Variants in UNC13C observed in about 807,000 individuals in gnomAD.
UNC13C encodes the protein unc-13 homolog C, also known as protein unc-13 homolog C.
In UNC13C, 174 loss-of-function variants were observed where a neutral mutation model predicts 245.4. The observed-to-expected ratio is 0.71, with a 90% CI of 0.63 to 0.80. UNC13C has a LOEUF of 0.80. UNC13C is among the 30% of genes least tolerant of loss of function. UNC13C has a pLI of 0.00. For synonymous variants in UNC13C, 992 were observed against 895.1 expected (o/e 1.11, Z -1.93); for missense variants, 2,829 against 2,602.9 (o/e 1.09, Z -1.89).
chr15:54,412,223 A>G (rs2040430839), intron 18 of UNC13C, among the ~76,000 whole-genome samples: 1 of 152,048 alleles, frequency 6.6e-6, no homozygotes, highest in Non-Finnish European at 1.5e-5. Flanking sequence ...AAACAAAAAA[A>G]GTGCCCGAGA....
chr15:54,518,974 A>G (rs981704827), intron 24 of UNC13C, among the ~76,000 whole-genome samples: 2 of 151,996 alleles, frequency 1.3e-5, no homozygotes, highest in African/African-American at 4.8e-5. Flanking sequence ...TAAAACGGGG[A>G]TTCCTGTTTT....
chr15:53,917,654 C>T, the UNC13C span, among the ~76,000 whole-genome samples: 2 of 152,246 alleles, frequency 1.3e-5, no homozygotes, highest in Admixed American at 6.5e-5. Context: ...TCTATCTCCT[C>T]CTCTCTTTCC....
intron 2 of UNC13C, among the ~76,000 whole-genome samples, chr15:54,083,386 C>G (rs200419804): frequency 1.3e-5 from 2 of 152,304 alleles, no homozygotes; most frequent in East Asian, 3.9e-4. Context: ...TATGGCTTGT[C>G]TGGCCTCCGT....
intron 30 of UNC13C, among the ~76,000 whole-genome samples, chr15:54,607,085 A>G (rs577227759): frequency 7.9e-5 from 12 of 152,358 alleles, no homozygotes; most frequent in African/African-American, 2.9e-4. Context: ...TTAGTTTTTT[A>G]AAACTTTTTA....
intron 27 of UNC13C, among the ~76,000 whole-genome samples, chr15:54,548,894 A>G (rs1896611083): frequency 1.3e-5 from 2 of 152,188 alleles, no homozygotes; most frequent in South Asian, 4.1e-4. Context: ...AAATATGAGC[A>G]AAATTAACCA....
chr15:54,055,081 T>C (rs1312297601), intron 2 of UNC13C, among the ~76,000 whole-genome samples: 1 of 152,310 alleles, frequency 6.6e-6, no homozygotes, highest in South Asian at 2.1e-4. Context: ...ATCATGCTGC[T>C]TGTTATATTA....
intron 14 of UNC13C, among the ~76,000 whole-genome samples, chr15:54,323,846 G>A (rs2140983162): frequency 6.6e-6 from 1 of 152,124 alleles, no homozygotes; most frequent in African/African-American, 2.4e-5. Context: ...TGTGTATATT[G>A]TGAAGAAAAA....
chr15:54,237,574 T>C (rs1246190959), intron 6 of UNC13C, 45 bp from the exon 7 acceptor site: 2 of 1,475,250 alleles, frequency 1.4e-6, no homozygotes, highest in East Asian at 2.3e-5. Context: ...TATATGCACG[T>C]CAACCTCCCT....
intron 19 of UNC13C, among the ~76,000 whole-genome samples, chr15:54,460,838 C>T (rs537329431): frequency 7.9e-5 from 12 of 152,142 alleles, no homozygotes; most frequent in Non-Finnish European, 1.5e-4. Flanking sequence ...GGGAGCTGCA[C>T]GTTAGTCCTG....
chr15:54,612,487 GTTTTT>G (rs1019251274), intron 30 of UNC13C, among the ~76,000 whole-genome samples: 1 of 151,830 alleles, frequency 6.6e-6, no homozygotes, highest in Non-Finnish European at 1.5e-5. Context: ...AATGTTTTTT[GTTTTT>G]AAGTTTGTGA....
the UNC13C span, among the ~76,000 whole-genome samples, chr15:53,919,336 G>C: frequency 3.9e-5 from 6 of 152,196 alleles, no homozygotes; most frequent in Non-Finnish European, 8.8e-5. Flanking sequence ...ACGAACATCA[G>C]TTATTGGCAT....
intron 4 of UNC13C, among the ~76,000 whole-genome samples, chr15:54,177,933 C>T (rs2033670309): frequency 6.6e-6 from 1 of 151,834 alleles, no homozygotes; most frequent in African/African-American, 2.4e-5. Context: ...CTTTCTATTG[C>T]CTTTTCCTTT....
intron 18 of UNC13C, among the ~76,000 whole-genome samples, chr15:54,409,700 G>C (rs1463394260): frequency 6.6e-6 from 1 of 152,138 alleles, no homozygotes; most frequent in Non-Finnish European, 1.5e-5. Context: ...TGCTGCAAAG[G>C]ACATGATTTT....
the UNC13C span, among the ~76,000 whole-genome samples, chr15:53,958,136 G>C: frequency 6.6e-6 from 1 of 152,148 alleles, no homozygotes; most frequent in Non-Finnish European, 1.5e-5. Flanking sequence ...GAGAGCTGCA[G>C]ATAATTTTAG....
At chr15:53,945,266 C>CT in the UNC13C span, among the ~76,000 whole-genome samples, 164 of 152,236 alleles carry the variant, frequency 1.1e-3, 1 homozygote, top group East Asian at 0.025. Flanking sequence ...CATTTGTCAA[C>CT]TTTTGCTTTT....
the UNC13C span, among the ~76,000 whole-genome samples, chr15:53,844,128 A>G: frequency 2.6e-5 from 4 of 152,220 alleles, no homozygotes; most frequent in African/African-American, 9.6e-5. Flanking sequence ...TTCCTGGAGC[A>G]GGAGAGACAC....
intron 29 of UNC13C, among the ~76,000 whole-genome samples, chr15:54,566,830 G>A (rs565428596): frequency 9.9e-5 from 15 of 152,186 alleles, no homozygotes; most frequent in South Asian, 8.3e-4. Context: ...TTAGGAGAGC[G>A]TCTCTGAATA....
chr15:53,960,888 A>G, the UNC13C span, among the ~76,000 whole-genome samples: 1 of 152,216 alleles, frequency 6.6e-6, no homozygotes, highest in Admixed American at 6.5e-5. Flanking sequence ...TATATCACAG[A>G]CACAAAATAT....
At chr15:54,003,881 G>C (rs1895015074) in intron 1 of UNC13C, among the ~76,000 whole-genome samples, 1 of 152,042 alleles carries the variant, frequency 6.6e-6, no homozygotes, top group African/African-American at 2.4e-5. Context: ...CATGGTGGCA[G>C]GCACCTGTAG....
Sources: gnomAD v4.1 joint callset for allele counts (sites outside exome capture counted in the v4.1 genomes callset) on GRCh38, gnomAD v4.1.1 for gene constraint, MANE v1.5 for transcripts, NCBI Gene and HGNC (gene_info 2026-07-23, HGNC 2026-07-21) for gene names.